Variants in GSR observed in about 807,000 individuals in gnomAD.
The protein encoded by GSR is glutathione reductase, mitochondrial.
Under a neutral mutation model 56.5 loss-of-function variants are expected in GSR, and 48 were observed. That is an observed-to-expected ratio of 0.85 (90% CI 0.67 to 1.08). The LOEUF is 1.08. Among genes scored for constraint, GSR ranks in the 50% least tolerant of loss-of-function variants. The pLI is 0.00. For synonymous variants in GSR, 264 were observed against 270.8 expected, an observed-to-expected ratio of 0.97 and a Z score of 0.25; for missense variants, 694 against 703.3, an observed-to-expected ratio of 0.99 and a Z score of 0.15.
rs775306351 is a variant in GSR, at chr8:30,703,182, A to G, written c.551T>C (p.Ile184Thr). 2.5e-6 allele frequency: 4 copies of G among 1,613,594 alleles called. No homozygotes were observed. The highest frequency in any genetic ancestry group is 1.7e-5 in the Admixed American group (1 of 59,970). The change falls in exon 5 of 13, where the codon ATA (isoleucine) becomes ACA (threonine). Residue 184 changes from isoleucine (I) to threonine (T), a missense_variant. Coordinates refer to ENST00000221130, the MANE Select transcript of GSR (RefSeq NM_000637.5). ...AAFTSDPKPT[I>T]EVSGKKYTAP... ...GGTGTACTTTTTCCCACTGACCTCT[A>G]TTGTGGGCTTGGGATCACTCGTGAA... is the stretch of plus-strand genomic sequence containing the variant.
intron 9 of GSR, chr8:30,687,482 T>A (rs1803200959): frequency 6.6e-6 from 1 of 151,902 alleles, no homozygotes; most frequent in South Asian, 2.1e-4. Context: ...CCTGTCTCTA[T>A]TAAAAAAATA....
rs183415909 is a variant in GSR, at chr8:30,682,350, C to T, written c.1154-289G>A. Among the ~76,000 whole-genome samples, 129 of 152,278 alleles carry T rather than the reference C, an allele frequency of 8.5e-4. 1 individual carries two copies. The highest frequency in any genetic ancestry group is 2.4e-3 in the African/African-American group (101 of 41,572). On this transcript the variant is annotated intron_variant, in intron 10 of 12. Coordinates refer to ENST00000221130, the MANE Select transcript of GSR (RefSeq NM_000637.5). ...AAAATGTTGGAGCACCATGATGCCA[C>T]AAGCAGAAAATTCCACACCTGACCT...
chr8:30,695,696 G>A (rs1395768477), intron 7 of GSR, among the ~76,000 whole-genome samples: 2 of 152,124 alleles, frequency 1.3e-5, no homozygotes, highest in Admixed American at 6.5e-5. Flanking sequence ...TAGAATGAGT[G>A]GTAACAATCT....
At chr8:30,712,373 G>T (rs1804181648) in intron 1 of GSR, among the ~76,000 whole-genome samples, 1 of 152,180 alleles carries the variant, frequency 6.6e-6, no homozygotes, top group Admixed American at 6.5e-5. Context: ...AAGTACTGCA[G>T]AATACATGGA....
intron 1 of GSR, among the ~76,000 whole-genome samples, chr8:30,720,856 CA>C (rs57278512): frequency 0.77 from 116,189 of 151,694 alleles, 48,995 homozygotes; most frequent in Non-Finnish European, 0.94. Context: ...GTGGCTCACA[CA>C]CAGGTGTGTA....
At chr8:30,712,188 C>T (rs1804174447) in intron 1 of GSR, 100 bp from the exon 2 acceptor site, 1 of 671,606 alleles carries the variant, frequency 1.5e-6, no homozygotes, top group Non-Finnish European at 2.7e-6. Flanking sequence ...GAGGAGTCTT[C>T]CTTGGGTTCT....
intron 9 of GSR, among the ~76,000 whole-genome samples, chr8:30,686,362 C>T (rs957951058): frequency 6.6e-6 from 1 of 151,960 alleles, no homozygotes; most frequent in Non-Finnish European, 1.5e-5. Flanking sequence ...TGAGACTGAA[C>T]CTTTTTTTTT....
At chr8:30,705,313 A>G (rs2955993) in intron 4 of GSR, among the ~76,000 whole-genome samples, 67,432 of 151,704 alleles carry the variant, frequency 0.44, 18,019 homozygotes, top group Non-Finnish European at 0.58. Flanking sequence ...CCCAGGCTGG[A>G]GTGCAGTGGT....
chr8:30,703,199 ACTC>A lies in GSR; in HGVS notation c.531_533del (p.Ser178del). 1 of 1,613,942 alleles carries A rather than the reference ACTC, an allele frequency of 6.2e-7. No individual in the cohort carries two copies. Among genetic ancestry groups the A allele is most frequent in the Non-Finnish European group, 8.5e-7 (1 of 1,179,934 alleles). On this transcript the variant is annotated inframe_deletion, in exon 5 of 13. Transcript: ENST00000221130. The stretch of plus-strand genomic sequence containing the variant: ...TGACCTCTATTGTGGGCTTGGGATC[ACTC>A]GTGAAGGCTGCATGGCCACGGATGA...
rs371799004 is a variant in GSR, at chr8:30,681,957, G to T, written c.1258C>A (p.Pro420Thr). ...TCCGTGAGTCCCACTGTCCCAATAGGGGGGTGGCTGAAGACCACAGTTGGG... is the reference window on the plus strand; with the variant it reads ...TCCGTGAGTCCCACTGTCCCAATAGTGGGGTGGCTGAAGACCACAGTTGGG... The part of the protein sequence containing the change: ...NIPTVVFSHP[P>T]IGTVGLTEDE... The change falls in exon 11 of 13, where the codon CCT becomes ACT. Residue 420 changes from proline (P) to threonine (T), a missense_variant. Coordinates refer to ENST00000221130, the MANE Select transcript of GSR (RefSeq NM_000637.5). 6.8e-6 allele frequency: 11 copies of T among 1,613,316 alleles called. No homozygotes were observed. Among genetic ancestry groups the T allele is most frequent in the East Asian group, 2.2e-5 (1 of 44,874 alleles).
chr8:30,704,491 A>G (rs746065216), intron 4 of GSR, among the ~76,000 whole-genome samples: 4 of 152,198 alleles, frequency 2.6e-5, no homozygotes, highest in Non-Finnish European at 4.4e-5. Context: ...AGTACATGAC[A>G]CTGAAGTTCT....
chr8:30,709,906 T>TA lies in GSR; in HGVS notation c.334-5dup, dbSNP rs74518074. Reference sequence around the variant, plus strand: ...GGACAGCTGTGTTCCACATTACCTGTAAAAAAAAAAAAAAAAAAGGATCCA... The same window carrying TA: ...GGACAGCTGTGTTCCACATTACCTGTAAAAAAAAAAAAAAAAAAAGGATCCA... On this transcript the variant is annotated splice_region_variant and splice_polypyrimidine_tract_variant and intron_variant, in intron 2 of 12. Coordinates refer to ENST00000221130, the MANE Select transcript of GSR (RefSeq NM_000637.5). 0.036 allele frequency: 35,680 copies of TA among 992,368 alleles called. 33 individuals carry two copies. Among genetic ancestry groups the TA allele is most frequent in the South Asian group, 0.05 (3,274 of 65,672 alleles). The allele number at this position is 992,368 out of a possible 1,614,324, so 61.5% of individuals were successfully genotyped here.
Position 30,692,857 on chromosome 8 carries a change from A to C in GSR, c.882+112T>G, listed in dbSNP as rs114198796. On this transcript the variant is annotated intron_variant, in intron 8 of 12. Coordinates refer to ENST00000221130, the MANE Select transcript of GSR (RefSeq NM_000637.5). ...ATAGGGAGTACCCTAGAGGTGGAATATATGGACCGGGGTAGACATAGTGTT... is the reference window on the plus strand; with the variant it reads ...ATAGGGAGTACCCTAGAGGTGGAATCTATGGACCGGGGTAGACATAGTGTT... 5.3e-4 allele frequency: 401 copies of C among 762,412 alleles called. 2 individuals are homozygous for C. The African/African-American group carries it at 5.4e-3, about 10-fold the overall frequency. The allele number at this position is 762,412 out of a possible 1,614,324, so 47.2% of individuals were successfully genotyped here. A position where few individuals can be genotyped will look rare whatever the true frequency, so the allele number is the denominator to read the frequency against.
intron 4 of GSR, among the ~76,000 whole-genome samples, chr8:30,707,673 G>A (rs1411782392): frequency 6.6e-6 from 1 of 151,140 alleles, no homozygotes; most frequent in Non-Finnish European, 1.5e-5. Flanking sequence ...AATAAAATAG[G>A]GCCGGGTGCA....
chr8:30,727,578 C>A lies in GSR; in HGVS notation c.258G>T (p.Leu86=). ...TCTCCACCACGGCGGCCCTGGCACC[C>A]AGCTCGGCCGCCCTGCGCGCGCTGG... ...GLASARRAAE[L]GARAAVVESH... The change falls in exon 1 of 13, where the codon CTG becomes CTT. Residue 86 remains leucine (L), a synonymous_variant. Transcript: ENST00000221130. 1 of 1,532,996 alleles carries A rather than the reference C, an allele frequency of 6.5e-7. No homozygotes were observed. Among genetic ancestry groups the A allele is most frequent in the South Asian group, 1.2e-5 (1 of 83,352 alleles). 95.0% of individuals were successfully genotyped at this position (1,532,996 alleles called of 1,614,324 possible).
Position 30,693,021 on chromosome 8 carries a change from T to C in GSR, c.830A>G (p.Asn277Ser). 1 of 1,612,616 alleles carries C rather than the reference T, an allele frequency of 6.2e-7. No individual in the cohort carries two copies. Among genetic ancestry groups the C allele is most frequent in the Non-Finnish European group, 8.5e-7 (1 of 1,178,870 alleles). The change falls in exon 8 of 13, where the codon AAC becomes AGC. Residue 277 changes from asparagine to serine, a missense_variant. Transcript: ENST00000221130. Reference protein sequence around the residue: ...LRSFDSMISTNCTEELENAGV... With the variant: ...LRSFDSMISTSCTEELENAGV... ...AGCGTTCTCCAGCTCCTCCGTGCAG[T>C]TGGTGCTGATCATTGAATCAAAACT...
intron 10 of GSR, among the ~76,000 whole-genome samples, 199 bp from the exon 11 acceptor site, chr8:30,682,260 G>C (rs1372646257): frequency 6.6e-6 from 1 of 152,140 alleles, no homozygotes; most frequent in Non-Finnish European, 1.5e-5. Context: ...ATTGGCTTAT[G>C]AGAATCCTAT....
chr8:30,680,375 T>C (rs1300885456), intron 12 of GSR, among the ~76,000 whole-genome samples: 7 of 135,402 alleles, frequency 5.2e-5, no homozygotes, highest in Admixed American at 1.7e-4. Flanking sequence ...GGCCCTGGCC[T>C]CTCCTGTTTT....
chr8:30,693,018 C>A lies in GSR; in HGVS notation c.833G>T (p.Cys278Phe). 1.9e-6 allele frequency: 3 copies of A among 1,612,600 alleles called. No individual in the cohort carries two copies. Among genetic ancestry groups the A allele is most frequent in the Non-Finnish European group, 2.5e-6 (3 of 1,178,926 alleles). Residue 278 changes from cysteine (C) to phenylalanine (F), a missense_variant, in exon 8 of 13, where the codon TGC (cysteine) becomes TTC (phenylalanine). Coordinates refer to ENST00000221130, the MANE Select transcript of GSR (RefSeq NM_000637.5). Reference sequence around the variant, plus strand: ...GCCAGCGTTCTCCAGCTCCTCCGTGCAGTTGGTGCTGATCATTGAATCAAA... The same window carrying A: ...GCCAGCGTTCTCCAGCTCCTCCGTGAAGTTGGTGCTGATCATTGAATCAAA... ...RSFDSMISTN[C>F]TEELENAGVE...
Sources: gnomAD v4.1 joint callset for allele counts (sites outside exome capture counted in the v4.1 genomes callset) on GRCh38, gnomAD v4.1.1 for gene constraint, MANE v1.5 for transcripts, NCBI Gene and HGNC (gene_info 2026-07-23, HGNC 2026-07-21) for gene names.